ISG20: variants seen among roughly 807,000 people sequenced by gnomAD.
The protein encoded by ISG20 is interferon-stimulated gene 20 kDa protein.
ISG20 carries 8 observed loss-of-function variants against 11.1 expected under a neutral mutation model. That is an observed-to-expected ratio of 0.72 (90% CI 0.42 to 1.30). The LOEUF is 1.30. Among genes scored for constraint, ISG20 ranks in the 50% most tolerant of loss-of-function variants. The probability of loss-of-function intolerance (pLI) is 0.01; values close to 1 mark genes in which losing one functional copy is unlikely to be tolerated. For missense variants in ISG20, 243 were observed against 250.2 expected (o/e 0.97, Z 0.19); for synonymous variants, 110 against 101.7 (o/e 1.08, Z -0.49).
chr15:88,642,084 C>G (rs1443200264), intron 2 of ISG20, among the ~76,000 whole-genome samples: 1 of 152,058 alleles, frequency 6.6e-6, no homozygotes, highest in African/African-American at 2.4e-5. Flanking sequence ...TGTCCGCCAC[C>G]ACGCCTGGCT....
intron 3 of ISG20, among the ~76,000 whole-genome samples, chr15:88,654,096 T>C (rs1014383883): frequency 6.6e-6 from 1 of 152,218 alleles, no homozygotes; most frequent in Non-Finnish European, 1.5e-5. Context: ...GGGGTTTGTC[T>C]GATTCCAAAT....
chr15:88,646,190 A>C (rs1040131964), intron 2 of ISG20, among the ~76,000 whole-genome samples: 1 of 152,200 alleles, frequency 6.6e-6, no homozygotes, highest in Non-Finnish European at 1.5e-5. Context: ...TCCCCTAAGT[A>C]GGATCCTCTG....
intron 3 of ISG20, among the ~76,000 whole-genome samples, chr15:88,653,955 CT>C (rs2058331542): frequency 1.3e-5 from 2 of 152,190 alleles, no homozygotes; most frequent in Non-Finnish European, 2.9e-5. Flanking sequence ...GGGCACAGTT[CT>C]CTCATTCCAT....
At chr15:88,648,363 C>A (rs1449262356) in intron 2 of ISG20, 1 of 152,262 alleles carries the variant, frequency 6.6e-6, no homozygotes, top group Non-Finnish European at 1.5e-5. Flanking sequence ...TTCAGTAGGT[C>A]TGTGTAGGGC....
At position 88,639,864 on chromosome 15, in the gene ISG20, C is replaced by T. The variant is rs1184079353; in HGVS notation, c.228+270C>T. Among the ~76,000 whole-genome samples the T allele has an allele frequency of 5.3e-5, 8 of 152,200 alleles. No individual in the cohort carries two copies. The highest frequency in any genetic ancestry group is 1.7e-4 in the African/African-American group (7 of 41,450). On this transcript the variant is annotated intron_variant, in intron 2 of 3. Transcript: ENST00000306072. The surrounding 1 kb of genome is among the most constrained non-coding windows in gnomAD (Gnocchi z 4.2). ...GTCTTAAAATGGGGAAACTGAGTTC[C>T]CCCACACAGTGACTTGGGGTCTACA...
chr15:88,640,468 C>G (rs2058061463), intron 2 of ISG20, among the ~76,000 whole-genome samples: 1 of 152,230 alleles, frequency 6.6e-6, no homozygotes, highest in South Asian at 2.1e-4. Flanking sequence ...GGCAGGTCCT[C>G]AGGAACTGTT....
upstream of ISG20, among the ~76,000 whole-genome samples, chr15:88,635,973 A>T (rs919569375): frequency 6.6e-6 from 1 of 152,244 alleles, no homozygotes; most frequent in African/African-American, 2.4e-5. Context: ...GCCAACCACA[A>T]TTTAGGAATA....
In ISG20 at chr15:88,639,138, G is replaced by A. The variant is rs2058035033; in HGVS notation, c.-25+62G>A. The A allele has an allele frequency of 3.2e-5, 18 of 570,512 alleles. No homozygotes were observed. The highest frequency in any genetic ancestry group is 5.0e-5 in the Non-Finnish European group (16 of 321,722). 35.3% of individuals were successfully genotyped at this position (570,512 alleles called of 1,614,324 possible). On this transcript the variant is annotated intron_variant, in intron 1 of 3. Coordinates refer to ENST00000306072, the MANE Select transcript of ISG20 (RefSeq NM_002201.6). This position sits in a 1 kb window ranked among gnomAD's most constrained non-coding sequence, Gnocchi z 4.2. Reference sequence around the variant, plus strand: ...GCGGGAGGGGCCTTCCCGGTCCCCAGGCTGCGGGGCAGGCCAGAGGCCCTG... The same window carrying A: ...GCGGGAGGGGCCTTCCCGGTCCCCAAGCTGCGGGGCAGGCCAGAGGCCCTG...
Position 88,652,098 on chromosome 15 carries a change from C to G in ISG20, c.229-12C>G. ...GGGTCATGTAGGGGTGGGCACATGT[C>G]TTCCTGGCCAGATCCTGCAGCTCCT... On this transcript the variant is annotated splice_polypyrimidine_tract_variant and intron_variant, in intron 2 of 3. Coordinates refer to ENST00000306072, the MANE Select transcript of ISG20 (RefSeq NM_002201.6). 1 of 1,613,986 alleles carries G rather than the reference C, an allele frequency of 6.2e-7. No homozygotes were observed. Among genetic ancestry groups the G allele is most frequent in the Admixed American group, 1.7e-5 (1 of 60,016 alleles).
In ISG20 at chr15:88,650,022, G is replaced by A. The variant is rs748697262; in HGVS notation, c.229-2088G>A. 3 of 570,512 alleles carry A rather than the reference G, an allele frequency of 5.3e-6. No individual in the cohort carries two copies. The highest frequency in any genetic ancestry group is 3.0e-5 in the Admixed American group (1 of 33,602). The allele number at this position is 570,512 out of a possible 1,614,324, so 35.3% of individuals were successfully genotyped here. A position where few individuals can be genotyped will look rare whatever the true frequency, so the allele number is the denominator to read the frequency against. ...GGAGAACATGTAAAAGGGAACACAT[G>A]ATGTTCCAGGAGGCCGCTGGCTATC... On this transcript the variant is annotated intron_variant, in intron 2 of 3. Coordinates refer to ENST00000306072, the MANE Select transcript of ISG20 (RefSeq NM_002201.6). The surrounding 1 kb of genome is among the most constrained non-coding windows in gnomAD (Gnocchi z 4.0).
rs988890917 is a variant in ISG20, at chr15:88,650,852, G to C, written c.229-1258G>C. ...GCAGTGGCACGATCTCAGCTCACTT[G>C]CAATCTCCCTCCCAGGCTCAAGCAA... is the stretch of plus-strand genomic sequence containing the variant. On this transcript the variant is annotated intron_variant, in intron 2 of 3. Transcript: ENST00000306072. The surrounding 1 kb of genome is among the most constrained non-coding windows in gnomAD (Gnocchi z 4.0). 1 of 152,978 alleles carries C rather than the reference G, an allele frequency of 6.5e-6. No individual in the cohort carries two copies. Among genetic ancestry groups the C allele is most frequent in the African/African-American group, 2.4e-5 (1 of 41,382 alleles). 9.5% of individuals were successfully genotyped at this position (152,978 alleles called of 1,614,324 possible).
chr15:88,651,059 G>A, intron 2 of ISG20: 1 of 294,568 alleles, frequency 3.4e-6, no homozygotes. Context: ...CACCGTGCCT[G>A]GCTGGTGGCC....
chr15:88,639,330 C>G lies in ISG20; in HGVS notation c.-24-13C>G. 1 of 1,525,276 alleles carries G rather than the reference C, an allele frequency of 6.6e-7. No individual in the cohort carries two copies. Among genetic ancestry groups the G allele is most frequent in the South Asian group, 1.2e-5 (1 of 85,714 alleles). 94.5% of individuals were successfully genotyped at this position (1,525,276 alleles called of 1,614,324 possible). On this transcript the variant is annotated splice_polypyrimidine_tract_variant and intron_variant, in intron 1 of 3. Transcript: ENST00000306072. This position sits in a 1 kb window ranked among gnomAD's most constrained non-coding sequence, Gnocchi z 4.2. ...CCCAAGCGTGAGACCGCCCCCCATACCCCTCTCTCCAGCATCTCTGAGGGT... is the reference window on the plus strand; with the variant it reads ...CCCAAGCGTGAGACCGCCCCCCATAGCCCTCTCTCCAGCATCTCTGAGGGT...
rs749885654 is a variant in ISG20, at chr15:88,652,121, C to T, written c.240C>T (p.Leu80=). 2.5e-6 allele frequency: 4 copies of T among 1,614,026 alleles called. No individual in the cohort carries two copies. In the South Asian group the frequency reaches 4.4e-5, roughly 18 times the overall value. Residue 80 remains leucine (L), a synonymous_variant, in exon 3 of 4, where the codon CTC becomes CTT. Coordinates refer to ENST00000306072, the MANE Select transcript of ISG20 (RefSeq NM_002201.6). The stretch of plus-strand genomic sequence containing the variant: ...GTCTTCCTGGCCAGATCCTGCAGCT[C>T]CTGAAAGGCAAGCTGGTGGTGGGTC... ...FAVARLEILQ[L]LKGKLVVGHD... is the part of the protein sequence containing the mutation.
intron 3 of ISG20, 26 bp from the exon 4 acceptor site, chr15:88,655,389 T>A: frequency 6.2e-7 from 1 of 1,601,246 alleles, no homozygotes; most frequent in Non-Finnish European, 8.6e-7. Flanking sequence ...TCATCCCAAG[T>A]CCCCACTCTA....
At position 88,650,238 on chromosome 15, in the gene ISG20, C is replaced by T. The variant is rs2141402149; in HGVS notation, c.229-1872C>T. 2 of 1,535,622 alleles carry T rather than the reference C, an allele frequency of 1.3e-6. No individual in the cohort carries two copies. Among genetic ancestry groups the T allele is most frequent in the Admixed American group, 2.0e-5 (1 of 51,004 alleles). ...CTCACATCTGTTCTATTTTCAGGTCCCCTTCCCATCCTCTCCAACGGCAGC... is the reference window on the plus strand; with the variant it reads ...CTCACATCTGTTCTATTTTCAGGTCTCCTTCCCATCCTCTCCAACGGCAGC... On this transcript the variant is annotated intron_variant, in intron 2 of 3. Transcript: ENST00000306072. The surrounding 1 kb of genome is among the most constrained non-coding windows in gnomAD (Gnocchi z 4.0).
At chr15:88,651,560 G>A in intron 2 of ISG20, 1 of 177,200 alleles carries the variant, frequency 5.6e-6, no homozygotes, top group Non-Finnish European at 1.1e-5. Context: ...TTCCTCATGT[G>A]GATTCACTCT....
chr15:88,637,301 G>C (rs1343567021), upstream of ISG20: 1 of 151,728 alleles, frequency 6.6e-6, no homozygotes, highest in East Asian at 1.9e-4. Context: ...TGATGGAAGA[G>C]GGTCTGGAAA....
At chr15:88,648,228 T>C (rs993384372) in intron 2 of ISG20, 3 of 152,226 alleles carry the variant, frequency 2.0e-5, no homozygotes, top group Non-Finnish European at 4.4e-5. Flanking sequence ...AATGGATGAA[T>C]GAATGCATGG....
Sources: gnomAD v4.1 joint callset for allele counts (sites outside exome capture counted in the v4.1 genomes callset) on GRCh38, gnomAD v4.1.1 for gene constraint, Gnocchi (gnomAD v3.1) non-coding constraint, MANE v1.5 for transcripts, NCBI Gene and HGNC (gene_info 2026-07-23, HGNC 2026-07-21) for gene names.